Variants in C19orf44 observed in about 807,000 individuals in gnomAD.
C19orf44 encodes chromosome 19 open reading frame 44.
A neutral mutation model predicts 50.7 loss-of-function variants in C19orf44; 43 were observed. The observed-to-expected ratio is 0.85, with a 90% confidence interval of 0.66 to 1.09. The LOEUF (loss-of-function observed/expected upper bound fraction) is 1.09. C19orf44 is among the 50% of genes least tolerant of loss of function. C19orf44 has a pLI of 0.00. For missense variants in C19orf44, 722 were observed against 836.2 expected (o/e 0.86, Z 1.68); for synonymous variants, 298 against 334.7 (o/e 0.89, Z 1.20).
chr19:16,509,177 C>G (rs2093449057), intron 4 of C19orf44, among the ~76,000 whole-genome samples: 1 of 151,984 alleles, frequency 6.6e-6, no homozygotes, highest in Non-Finnish European at 1.5e-5. Context: ...GTTGCCCAGG[C>G]AGGTCTTGAA....
chr19:16,503,187 A>T lies in C19orf44; in HGVS notation c.882A>T (p.Ser294=). 6.2e-7 allele frequency: 1 copy of T among 1,614,110 alleles called. No homozygotes were observed. The highest frequency in any genetic ancestry group is 8.5e-7 in the Non-Finnish European group (1 of 1,180,016). The change falls in exon 3 of 9, where the codon TCA becomes TCT. Residue 294 remains serine (S), a synonymous_variant. Coordinates refer to ENST00000221671, the MANE Select transcript of C19orf44 (RefSeq NM_032207.4). ...AADRTLHSTR[S]RADYPQSHVS... is the part of the protein sequence containing the mutation. ...ACAGAACCCTTCACAGCACTCGCTC[A>T]AGAGCAGACTACCCACAGAGTCACG... is the stretch of plus-strand genomic sequence containing the variant.
rs1181970083 is a variant in C19orf44, at chr19:16,501,444, A to G, written c.652A>G (p.Met218Val). 16 of 1,613,822 alleles carry G rather than the reference A, an allele frequency of 9.9e-6. No individual in the cohort carries two copies. The highest frequency in any genetic ancestry group is 1.3e-5 in the African/African-American group (1 of 75,030). ...TTCTCCAGACAGTGACGAAGAAGAAATGAAAGTATTGCTAGGAAGCTTGAT... is the reference window on the plus strand; with the variant it reads ...TTCTCCAGACAGTGACGAAGAAGAAGTGAAAGTATTGCTAGGAAGCTTGAT... Reference protein sequence around the residue: ...FDSPDSDEEEMKVLLGSLMDS... With the variant: ...FDSPDSDEEEVKVLLGSLMDS... The change falls in exon 2 of 9, where the codon ATG (methionine) becomes GTG (valine). Residue 218 changes from methionine (M) to valine (V), a missense_variant. Transcript: ENST00000221671.
rs1180500532 is a variant in C19orf44 at position 16,519,804 on chromosome 19, G to A, written c.*41-290G>A. 1.2e-5 allele frequency: 14 copies of A among 1,120,162 alleles called. No homozygotes were observed. The highest frequency in any genetic ancestry group is 4.7e-5 in the East Asian group (2 of 42,468). 69.4% of individuals were successfully genotyped at this position (1,120,162 alleles called of 1,614,324 possible). A position where few individuals can be genotyped will look rare whatever the true frequency, so the allele number is the denominator to read the frequency against. On this transcript the variant is annotated intron_variant, in intron 8 of 8. Transcript: ENST00000221671. This position sits in a 1 kb window ranked among gnomAD's most constrained non-coding sequence, Gnocchi z 6.0. ...TGAGGACCTCACAGCCGCAGCTTGC[G>A]TGCATGCTCACTGTCACCAGGTGAC...
intron 4 of C19orf44, among the ~76,000 whole-genome samples, chr19:16,508,361 T>C (rs7245532): frequency 1 from 152,150 of 152,154 alleles, 76,073 homozygotes; most frequent in Non-Finnish European, 1. Flanking sequence ...CCTTGGCCTC[T>C]CAAAGTGCTG....
chr19:16,507,410 G>A (rs1239635715), intron 4 of C19orf44, among the ~76,000 whole-genome samples: 1 of 151,596 alleles, frequency 6.6e-6, no homozygotes, highest in Non-Finnish European at 1.5e-5. Context: ...ACACGTGTTG[G>A]TTATACACAG....
In C19orf44 at chr19:16,513,004, C is replaced by T. The variant is rs764459576; in HGVS notation, c.1640-10C>T. On this transcript the variant is annotated splice_polypyrimidine_tract_variant and intron_variant, in intron 5 of 8. Transcript: ENST00000221671. ...CTGCCTGCTTACCCCTCTCTTTGTC[C>T]CCGAGATAGTGGCCAGCATGGCAGC... 1.2e-6 allele frequency: 2 copies of T among 1,611,302 alleles called. No homozygotes were observed. Among genetic ancestry groups the T allele is most frequent in the East Asian group, 2.2e-5 (1 of 44,892 alleles).
intron 2 of C19orf44, among the ~76,000 whole-genome samples, 184 bp downstream of exon 2, chr19:16,501,735 G>T (rs978714991): frequency 6.7e-6 from 1 of 148,406 alleles, no homozygotes; most frequent in African/African-American, 2.5e-5. Context: ...GGAATTACAG[G>T]CATGCACCAC....
At chr19:16,506,118 G>A (rs1045897623) in intron 3 of C19orf44, among the ~76,000 whole-genome samples, 3 of 152,056 alleles carry the variant, frequency 2.0e-5, no homozygotes, top group African/African-American at 7.2e-5. Flanking sequence ...TGGGACTACA[G>A]GCACCCGCCA....
chr19:16,505,829 G>A (rs1374407994), intron 3 of C19orf44, among the ~76,000 whole-genome samples: 1 of 149,914 alleles, frequency 6.7e-6, no homozygotes, highest in Admixed American at 6.7e-5. Flanking sequence ...CTACAGGCAC[G>A]TGCCATCACA....
intron 1 of C19orf44, among the ~76,000 whole-genome samples, chr19:16,498,420 A>C (rs1001978830): frequency 6.6e-6 from 1 of 152,024 alleles, no homozygotes; most frequent in Non-Finnish European, 1.5e-5. Flanking sequence ...AGTAACTGGG[A>C]CTACAGGTGT....
chr19:16,501,950 C>G (rs557857899), intron 2 of C19orf44, among the ~76,000 whole-genome samples: 4 of 147,750 alleles, frequency 2.7e-5, no homozygotes, highest in African/African-American at 1.0e-4. Context: ...GTTCTTGTTG[C>G]CCAGGCTAGA....
chr19:16,512,820 T>C (rs7251132), intron 5 of C19orf44, among the ~76,000 whole-genome samples, 194 bp from the exon 6 acceptor site: 62,171 of 146,016 alleles, frequency 0.43, 14,548 homozygotes, highest in African/African-American at 0.65. Context: ...GATCATGCCG[T>C]GCACTCCAGA....
Position 16,500,046 on chromosome 19 carries a change from C to A in C19orf44, c.-1-746C>A, listed in dbSNP as rs191087707. 2.6e-5 allele frequency among the ~76,000 whole-genome samples: 4 copies of A among 152,190 alleles called. 1 individual carries two copies. The highest frequency in any genetic ancestry group is 7.2e-5 in the African/African-American group (3 of 41,532). On this transcript the variant is annotated intron_variant, in intron 1 of 8. Transcript: ENST00000221671. ...TCGTGATCCACCCACCACGGCCTAC[C>A]AAAGTGCTGGGATTATAGGCATGAG... is the stretch of plus-strand genomic sequence containing the variant.
At position 16,520,035 on chromosome 19, in the gene C19orf44, G is replaced by A. The variant is rs2085594405; in HGVS notation, c.*41-59G>A. On this transcript the variant is annotated intron_variant, in intron 8 of 8. Coordinates refer to ENST00000221671, the MANE Select transcript of C19orf44 (RefSeq NM_032207.4). This position sits in a 1 kb window ranked among gnomAD's most constrained non-coding sequence, Gnocchi z 4.0. ...GGGTGAGGGGTGCCACTGTCCCCGG[G>A]CTAATGCTGGCGGCCTCCTAACACA... 4.5e-6 allele frequency: 5 copies of A among 1,109,652 alleles called. No homozygotes were observed. The Admixed American group carries it at 7.7e-5, about 17-fold the overall frequency. The allele number at this position is 1,109,652 out of a possible 1,614,324, so 68.7% of individuals were successfully genotyped here.
chr19:16,501,390 A>G lies in C19orf44; in HGVS notation c.598A>G (p.Lys200Glu), dbSNP rs1447276159. The stretch of plus-strand genomic sequence containing the variant: ...GAAAGAGAGGACTTTGCAAACCCCC[A>G]AACAGAAAGAACCTGCTAGAACATT... ...AGKERTLQTP[K>E]QKEPARTFDS... Residue 200 changes from lysine (K) to glutamate (E), a missense_variant, in exon 2 of 9, where the codon AAA (lysine) becomes GAA (glutamate). Lys to Glu is a moderately conservative substitution (Grantham distance 56). Coordinates refer to ENST00000221671, the MANE Select transcript of C19orf44 (RefSeq NM_032207.4). 5 of 1,614,008 alleles carry G rather than the reference A, an allele frequency of 3.1e-6. No individual in the cohort carries two copies. In the Admixed American group the frequency reaches 8.3e-5, roughly 27 times the overall value.
At position 16,496,418 on chromosome 19, in the gene C19orf44, A is replaced by G. The variant is rs2093409189; in HGVS notation, c.-49A>G. On this transcript the variant is annotated 5_prime_UTR_variant, in exon 1 of 9. Transcript: ENST00000221671. ...TGTTGCCCAGGGCAACCGCTCCTTC[A>G]GGCGTGAATGTGGCGGCTGCCTCTG... is the stretch of plus-strand genomic sequence containing the variant. The G allele has an allele frequency of 4.3e-6, 2 of 467,484 alleles. No individual in the cohort carries two copies. Among genetic ancestry groups the G allele is most frequent in the East Asian group, 4.0e-5 (1 of 24,940 alleles). 29.0% of individuals were successfully genotyped at this position (467,484 alleles called of 1,614,324 possible). A position where few individuals can be genotyped will look rare whatever the true frequency, so the allele number is the denominator to read the frequency against.
At chr19:16,513,655 A>C (rs2093463921) in intron 6 of C19orf44, among the ~76,000 whole-genome samples, 1 of 152,182 alleles carries the variant, frequency 6.6e-6, no homozygotes, top group African/African-American at 2.4e-5. Context: ...AAGTTCTGGG[A>C]TCACAGGCCT....
At chr19:16,512,324 A>G (rs1208493814) in intron 5 of C19orf44, among the ~76,000 whole-genome samples, 1 of 152,134 alleles carries the variant, frequency 6.6e-6, no homozygotes, top group African/African-American at 2.4e-5. Flanking sequence ...TAGGACTGAC[A>G]GGGAAAGGAG....
intron 6 of C19orf44, among the ~76,000 whole-genome samples, chr19:16,513,760 T>A (rs1042008654): frequency 6.6e-6 from 1 of 152,142 alleles, no homozygotes; most frequent in African/African-American, 2.4e-5. Context: ...CCTGAAGACA[T>A]GTATTTGACT....
Sources: gnomAD v4.1 joint callset for allele counts (sites outside exome capture counted in the v4.1 genomes callset) on GRCh38, gnomAD v4.1.1 for gene constraint, Gnocchi (gnomAD v3.1) non-coding constraint, MANE v1.5 for transcripts, NCBI Gene and HGNC (gene_info 2026-07-23, HGNC 2026-07-21) for gene names.